The following EYS variants were observed in gnomAD, a reference collection of about 807,000 sequenced individuals.
EYS encodes the protein protein eyes shut homolog.
Under a neutral mutation model 282.1 loss-of-function variants are expected in EYS, and 250 were observed. The observed-to-expected ratio is 0.89, with a 90% CI of 0.80 to 0.98. EYS has a LOEUF of 0.98. EYS is among the 50% of genes least tolerant of loss of function. The pLI is 0.00. For missense variants in EYS, 4,016 were observed against 3,709.0 expected (o/e 1.08, Z -2.15); for synonymous variants, 1,355 against 1,282.9 (o/e 1.06, Z -1.20).
At chr6:65,451,349 T>C (rs1764390250) in intron 5 of EYS, among the ~76,000 whole-genome samples, 2 of 152,224 alleles carry the variant, frequency 1.3e-5, no homozygotes, top group Middle Eastern at 3.4e-3. Context: ...ATTTTGACCA[T>C]GCTTTCATTT....
Position 64,590,788 on chromosome 6 carries a change from T to A in EYS, c.5079A>T (p.Ser1693=). The change falls in exon 26 of 43, where the codon TCA becomes TCT. Residue 1693 remains serine, a synonymous_variant. Transcript: ENST00000503581. The part of the protein sequence containing the change: ...LTSKMTTDEL[S]VSENILKLLK... ...ATAGTTTTAAAATGTTTTCTGATAC[T>A]GACAGTTCATCAGTAGTCATTTTTG... is the stretch of plus-strand genomic sequence containing the variant. The A allele has an allele frequency of 6.5e-7, 1 of 1,550,172 alleles. No individual in the cohort carries two copies. The highest frequency in any genetic ancestry group is 8.7e-7 in the Non-Finnish European group (1 of 1,145,900).
chr6:64,284,646 C>T (rs1429297840), intron 30 of EYS, among the ~76,000 whole-genome samples: 2 of 152,218 alleles, frequency 1.3e-5, no homozygotes, highest in Admixed American at 6.5e-5. Context: ...GAGAGCCCCA[C>T]CTCTGCAGCA....
intron 36 of EYS, among the ~76,000 whole-genome samples, chr6:63,849,236 G>A (rs1348973684): frequency 6.6e-6 from 1 of 152,178 alleles, no homozygotes; most frequent in Non-Finnish European, 1.5e-5. Flanking sequence ...GAGCACCTGG[G>A]GAGAGGGGTG....
chr6:65,638,777 G>A (rs547232154), intron 2 of EYS, among the ~76,000 whole-genome samples: 176 of 152,324 alleles, frequency 1.2e-3, no homozygotes, highest in African/African-American at 4.1e-3. Context: ...TGGCCGGCGT[G>A]GGATCCTAGC....
At chr6:65,391,733 T>C (rs1240692472) in intron 7 of EYS, among the ~76,000 whole-genome samples, 2 of 152,034 alleles carry the variant, frequency 1.3e-5, no homozygotes, top group Non-Finnish European at 2.9e-5. Context: ...ATCATGAAAA[T>C]GGCCATACTG....
At chr6:63,737,929 A>G (rs1768966111) in intron 41 of EYS, among the ~76,000 whole-genome samples, 7 of 152,226 alleles carry the variant, frequency 4.6e-5, no homozygotes, top group Admixed American at 4.6e-4. Flanking sequence ...GGTGAAGGAC[A>G]TGAACAGACA....
At chr6:64,656,773 G>C (rs1054219038) in intron 22 of EYS, among the ~76,000 whole-genome samples, 3 of 152,112 alleles carry the variant, frequency 2.0e-5, no homozygotes, top group African/African-American at 7.2e-5. Context: ...TAATTCACCA[G>C]AATTTCTGTT....
chr6:64,190,829 T>G (rs1765080881), intron 31 of EYS, among the ~76,000 whole-genome samples: 1 of 152,216 alleles, frequency 6.6e-6, no homozygotes, highest in Non-Finnish European at 1.5e-5. Flanking sequence ...GTCCAAGTAA[T>G]GCATTAATTA....
At chr6:64,944,014 T>C (rs550735055) in intron 15 of EYS, among the ~76,000 whole-genome samples, 10 of 151,826 alleles carry the variant, frequency 6.6e-5, no homozygotes, top group African/African-American at 2.4e-4. Context: ...ACAACAACAA[T>C]AACAGACACA....
chr6:64,436,950 C>A (rs1774771974), intron 27 of EYS, among the ~76,000 whole-genome samples: 1 of 151,622 alleles, frequency 6.6e-6, no homozygotes, highest in Admixed American at 6.6e-5. Context: ...TTTATTGTAT[C>A]TAAAAGTGAT....
At position 65,317,745 on chromosome 6, in the gene EYS, C is replaced by T. The variant is rs184315420; in HGVS notation, c.1766+17235G>A. ...CTTGGATACCGACAGAGCTCAATTC[C>T]TTGCTAGCTCTTGGCTGGAGGCTAC... On this transcript the variant is annotated intron_variant, in intron 11 of 42. Coordinates refer to ENST00000503581, the MANE Select transcript of EYS (RefSeq NM_001142800.2). Among the ~76,000 whole-genome samples the T allele has an allele frequency of 5.9e-4, 89 of 152,036 alleles. 1 individual carries two copies. The highest frequency in any genetic ancestry group is 2.1e-3 in the African/African-American group (86 of 41,444).
chr6:64,909,836 A>T (rs1767938310), intron 16 of EYS, among the ~76,000 whole-genome samples: 1 of 152,156 alleles, frequency 6.6e-6, no homozygotes, highest in Admixed American at 6.5e-5. Context: ...TTACCTGCTA[A>T]GCATGCAGTC....
intron 2 of EYS, among the ~76,000 whole-genome samples, chr6:65,499,642 A>G (rs1249426869): frequency 1.3e-5 from 2 of 152,056 alleles, no homozygotes; most frequent in Non-Finnish European, 2.9e-5. Flanking sequence ...TGTGCTCTAG[A>G]AAGTAAGCAA....
chr6:64,728,044 G>T (rs530235377), intron 22 of EYS, among the ~76,000 whole-genome samples: 1 of 152,130 alleles, frequency 6.6e-6, no homozygotes, highest in African/African-American at 2.4e-5. Context: ...TCTTCGGGGC[G>T]GCAGGGGTGG....
At chr6:64,002,326 G>A (rs932837137) in intron 33 of EYS, among the ~76,000 whole-genome samples, 2 of 152,204 alleles carry the variant, frequency 1.3e-5, no homozygotes, top group African/African-American at 4.8e-5. Flanking sequence ...CTTTGAGCCT[G>A]TGTATGATCT....
At chr6:64,889,910 C>T (rs956250359) in intron 18 of EYS, among the ~76,000 whole-genome samples, 5 of 151,986 alleles carry the variant, frequency 3.3e-5, no homozygotes, top group South Asian at 2.1e-4. Context: ...CTCTGACCGC[C>T]GGTGAGCTGG....
rs1315346173 is a variant in EYS at position 64,862,901 on chromosome 6, G to T, written c.2992+23796C>A. Among the ~76,000 whole-genome samples, 9 of 152,042 alleles carry T rather than the reference G, an allele frequency of 5.9e-5. No homozygotes were observed. The East Asian group carries it at 1.7e-3, about 29-fold the overall frequency. ...CTTTTAAGATAGTTTCCTTATCATT[G>T]ATTTCCATGAGACTTCGTGATACGT... On this transcript the variant is annotated intron_variant, in intron 19 of 42. Transcript: ENST00000503581.
intron 22 of EYS, among the ~76,000 whole-genome samples, chr6:64,676,722 G>A (rs1014253377): frequency 3.3e-5 from 5 of 152,038 alleles, no homozygotes; most frequent in East Asian, 1.9e-4. Context: ...AGATCAAGGC[G>A]TCAGCAGACT....
At chr6:64,057,538 T>C (rs1186592275) in intron 33 of EYS, among the ~76,000 whole-genome samples, 2 of 152,146 alleles carry the variant, frequency 1.3e-5, no homozygotes, top group Non-Finnish European at 2.9e-5. Flanking sequence ...CTTTCTAACA[T>C]TTCATTTTTA....
Sources: gnomAD v4.1 joint callset for allele counts (sites outside exome capture counted in the v4.1 genomes callset) on GRCh38, gnomAD v4.1.1 for gene constraint, MANE v1.5 for transcripts, NCBI Gene and HGNC (gene_info 2026-07-23, HGNC 2026-07-21) for gene names.